Variants in KAZN observed in about 807,000 individuals in gnomAD.
KAZN encodes the protein kazrin.
A neutral mutation model predicts 87.4 loss-of-function variants in KAZN; 40 were observed. The observed-to-expected ratio is 0.46, with a 90% CI of 0.36 to 0.60. The LOEUF is 0.60. Ranked by LOEUF, KAZN falls within the 20% of genes least tolerant of loss-of-function variation. The pLI is 0.00. For synonymous variants in KAZN, 466 were observed against 458.3 expected, an observed-to-expected ratio of 1.02 and a Z score of -0.22; for missense variants, 898 against 1,073.9, an observed-to-expected ratio of 0.84 and a Z score of 2.29.
chr1:14,362,035 TGCCC>T (rs1659558939), intron 2 of KAZN, among the ~76,000 whole-genome samples: 1 of 152,174 alleles, frequency 6.6e-6, no homozygotes, highest in South Asian at 2.1e-4. Flanking sequence ...TTTCAGAAAC[TGCCC>T]AAAAGCCAGT....
intron 2 of KAZN, among the ~76,000 whole-genome samples, chr1:14,404,494 G>A (rs1371374382): frequency 1.3e-5 from 2 of 152,064 alleles, no homozygotes; most frequent in African/African-American, 4.8e-5. Flanking sequence ...CAAGGTACCT[G>A]GCAGGCCTAA....
intron 1 of KAZN, among the ~76,000 whole-genome samples, chr1:14,016,353 G>A (rs1157510188): frequency 6.6e-6 from 1 of 152,116 alleles, no homozygotes; most frequent in African/African-American, 2.4e-5. Context: ...AGGACTCTAT[G>A]GCTTACAAAG....
Position 14,293,783 on chromosome 1 carries a change from G to A in KAZN, c.249+113191G>A, listed in dbSNP as rs184281321. Among the ~76,000 whole-genome samples the A allele has an allele frequency of 1.3e-4, 20 of 152,164 alleles. No homozygotes were observed. The East Asian group carries it at 1.7e-3, about 13-fold the overall frequency. On this transcript the variant is annotated intron_variant, in intron 2 of 16. Transcript: ENST00000636203. ...CTGCAACAGCTGCTATTAGCAAGCC[G>A]TCTTTCTGAATACAGCATATAGCAT...
intron 2 of KAZN, among the ~76,000 whole-genome samples, chr1:14,541,031 G>A (rs143311137): frequency 1.3e-5 from 2 of 152,302 alleles, no homozygotes; most frequent in East Asian, 3.9e-4. Context: ...CAGTTTCTAA[G>A]GAGTGGGCAA....
intron 1 of KAZN, among the ~76,000 whole-genome samples, chr1:14,777,250 C>T (rs567838550): frequency 6.6e-6 from 1 of 152,130 alleles, no homozygotes; most frequent in Non-Finnish European, 1.5e-5. Context: ...CCTGCCTCAG[C>T]CTCCCAAAGT....
chr1:14,299,442 G>A (rs766854219), intron 2 of KAZN, among the ~76,000 whole-genome samples: 6 of 152,126 alleles, frequency 3.9e-5, no homozygotes, highest in Non-Finnish European at 7.4e-5. Flanking sequence ...GGCAGAGGTT[G>A]CAGTGAGCCG....
At chr1:15,059,610 C>A (rs1190729800) in intron 5 of KAZN, among the ~76,000 whole-genome samples, 2 of 151,892 alleles carry the variant, frequency 1.3e-5, no homozygotes, top group Non-Finnish European at 2.9e-5. Context: ...GAGAAGCAGG[C>A]AGATTTGGGG....
intron 1 of KAZN, among the ~76,000 whole-genome samples, chr1:14,032,934 T>C (rs1641389907): frequency 6.6e-6 from 1 of 152,162 alleles, no homozygotes; most frequent in South Asian, 2.1e-4. Context: ...GTCCAGGCCC[T>C]GGACTCTTCA....
intron 1 of KAZN, among the ~76,000 whole-genome samples, chr1:14,616,284 G>T (rs1053415646): frequency 2.0e-5 from 3 of 152,126 alleles, no homozygotes; most frequent in Admixed American, 6.5e-5. Context: ...TCCTCATGCG[G>T]TGTCCCAGCT....
At chr1:14,792,997 A>G (rs1645724473) in intron 1 of KAZN, among the ~76,000 whole-genome samples, 1 of 148,610 alleles carries the variant, frequency 6.7e-6, no homozygotes, top group African/African-American at 2.5e-5. Context: ...AAAAACATTC[A>G]GGACACAGTT....
At chr1:14,133,377 A>AAAAAAAG (rs1553132989) in intron 1 of KAZN, among the ~76,000 whole-genome samples, 2 of 72,098 alleles carry the variant, frequency 2.8e-5, no homozygotes, top group Non-Finnish European at 4.6e-5. Flanking sequence ...AAAAAAAAAA[A>AAAAAAAG]AAAGAAAGAA....
chr1:14,966,636 G>C (rs1174235052), intron 2 of KAZN, among the ~76,000 whole-genome samples: 1 of 152,088 alleles, frequency 6.6e-6, no homozygotes, highest in Admixed American at 6.5e-5. Context: ...AAAATCCACT[G>C]GTCTAATTTG....
rs112360690 is a variant in KAZN at position 14,184,558 on chromosome 1, G to A, written c.249+3966G>A. ...AACCTGGCATTTAGGAGGCAGATCG[G>A]GAGCCCTGCCAGGATCAGACACTGC... On this transcript the variant is annotated intron_variant, in intron 2 of 16. Coordinates refer to the KAZN transcript ENST00000636203. The surrounding 1 kb of genome is among the most constrained non-coding windows in gnomAD (Gnocchi z 4.2). Among the ~76,000 whole-genome samples the A allele has an allele frequency of 7.9e-4, 121 of 152,268 alleles. 2 individuals are homozygous for A. The highest frequency in any genetic ancestry group is 2.8e-3 in the African/African-American group (115 of 41,568).
chr1:14,782,793 T>C (rs72636667), intron 1 of KAZN, among the ~76,000 whole-genome samples: 11,258 of 152,192 alleles, frequency 0.074, 520 homozygotes, highest in African/African-American at 0.12. Context: ...GTGGTTTTCC[T>C]GAGTCGCTGG....
chr1:14,814,373 G>A (rs990917206), intron 1 of KAZN, among the ~76,000 whole-genome samples: 4 of 152,192 alleles, frequency 2.6e-5, no homozygotes, highest in African/African-American at 9.6e-5. Context: ...ACGCCACCAA[G>A]CACAGCTAAT....
intron 1 of KAZN, among the ~76,000 whole-genome samples, chr1:14,940,898 C>CTTTTTTTTTTTTTTTTTTTTT (rs66777443): frequency 1.8e-5 from 1 of 54,404 alleles, no homozygotes; most frequent in African/African-American, 8.3e-5. Context: ...TTCTACCTTT[C>CTTTTTTTTTTTTTTTTTTTTT]TTTTTTTTTT....
At chr1:14,896,289 G>A (rs1030337800) in intron 1 of KAZN, among the ~76,000 whole-genome samples, 7 of 152,116 alleles carry the variant, frequency 4.6e-5, no homozygotes, top group African/African-American at 1.7e-4. Context: ...TCTTGACCTC[G>A]TGATCCGCCT....
chr1:13,938,914 C>T (rs1450537560), intron 1 of KAZN, among the ~76,000 whole-genome samples: 1 of 152,252 alleles, frequency 6.6e-6, no homozygotes, highest in Non-Finnish European at 1.5e-5. Context: ...AGAGCTGGAG[C>T]AGGAGGGATG....
At chr1:14,823,297 G>T (rs953232481) in intron 1 of KAZN, among the ~76,000 whole-genome samples, 4 of 152,134 alleles carry the variant, frequency 2.6e-5, no homozygotes, top group Admixed American at 1.3e-4. Context: ...GGACAAACAC[G>T]CGGCTTAGGG....
Sources: gnomAD v4.1 joint callset for allele counts (sites outside exome capture counted in the v4.1 genomes callset) on GRCh38, gnomAD v4.1.1 for gene constraint, Gnocchi (gnomAD v3.1) non-coding constraint, MANE v1.5 for transcripts, NCBI Gene and HGNC (gene_info 2026-07-23, HGNC 2026-07-21) for gene names.